The following FRMPD4 variants were observed in gnomAD, a reference collection of about 807,000 sequenced individuals.
FRMPD4 encodes FERM and PDZ domain containing 4, also known as FERM and PDZ domain-containing protein 4.
Under a neutral mutation model 94.1 loss-of-function variants are expected in FRMPD4, and 22 were observed. The ratio of observed to expected loss-of-function variants is 0.23; its 90% CI spans 0.17 to 0.33. The LOEUF is 0.33. Among genes scored for constraint, FRMPD4 ranks in the 10% least tolerant of loss-of-function variants. The probability of loss-of-function intolerance (pLI) is 1.00; values close to 1 mark genes in which losing one functional copy is unlikely to be tolerated. For synonymous variants in FRMPD4, 631 were observed against 548.6 expected (o/e 1.15, Z -2.10); for missense variants, 1,111 against 1,339.9 (o/e 0.83, Z 2.67).
At chrX:12,270,796 C>T (rs1278652334) in intron 1 of FRMPD4, among the ~76,000 whole-genome samples, 2 of 111,391 alleles carry the variant, frequency 1.8e-5, no homozygotes, top group Non-Finnish European at 3.8e-5. Context: ...ATAGAATATT[C>T]TTATGGGTGA....
At position 12,312,623 on chromosome X, in the gene FRMPD4, C is replaced by T. The variant is rs1392844378; in HGVS notation, c.41+173611C>T. Reference sequence around the variant, plus strand: ...ATGTTTTTGTTTGTTTCCACTTGTTCAGTTGTTTTCACACAGAAGGCTGTC... The same window carrying T: ...ATGTTTTTGTTTGTTTCCACTTGTTTAGTTGTTTTCACACAGAAGGCTGTC... On this transcript the variant is annotated intron_variant, in intron 1 of 16. Transcript: ENST00000675598. 2.7e-5 allele frequency among the ~76,000 whole-genome samples: 3 copies of T among 111,252 alleles called. No homozygotes were observed. In the Admixed American group the frequency reaches 2.9e-4, roughly 11 times the overall value.
At chrX:12,540,109 A>C (rs2058389857) in intron 2 of FRMPD4, among the ~76,000 whole-genome samples, 1 of 112,302 alleles carries the variant, frequency 8.9e-6, no homozygotes, top group African/African-American at 3.2e-5. Context: ...TGGAAAGGAA[A>C]AACCAGTACA....
intron 8 of FRMPD4, among the ~76,000 whole-genome samples, chrX:12,691,257 T>G (rs1481099713): frequency 1.8e-5 from 2 of 111,009 alleles, no homozygotes; most frequent in African/African-American, 6.6e-5. Context: ...TTTTTGGGGT[T>G]TTTTTTGTTG....
intron 1 of FRMPD4, among the ~76,000 whole-genome samples, chrX:12,206,875 A>G (rs1486063067): frequency 8.9e-6 from 1 of 112,331 alleles, no homozygotes; most frequent in East Asian, 2.8e-4. Flanking sequence ...TTTGCTCACA[A>G]CTAGAACTTT....
intron 4 of FRMPD4, among the ~76,000 whole-genome samples, chrX:12,669,764 G>A (rs989952847): frequency 7.2e-5 from 8 of 111,849 alleles, no homozygotes; most frequent in African/African-American, 2.3e-4. Flanking sequence ...GATGAAGGAA[G>A]GGACCATGAG....
intron 2 of FRMPD4, among the ~76,000 whole-genome samples, chrX:12,584,855 G>A (rs2058908243): frequency 8.9e-6 from 1 of 112,275 alleles, no homozygotes. Flanking sequence ...TTATGTATAA[G>A]GTCATTATTC....
intron 2 of FRMPD4, among the ~76,000 whole-genome samples, chrX:11,877,719 A>G (rs1473971646): frequency 8.9e-6 from 1 of 112,429 alleles, no homozygotes; most frequent in Non-Finnish European, 1.9e-5. Flanking sequence ...CTCTTGGAGC[A>G]CGTGATTGTT....
At chrX:12,598,639 C>A (rs988311600) in intron 2 of FRMPD4, among the ~76,000 whole-genome samples, 3 of 111,495 alleles carry the variant, frequency 2.7e-5, no homozygotes, top group Non-Finnish European at 5.6e-5. Flanking sequence ...GAAACACAAG[C>A]AAAACCCAAA....
chrX:12,387,314 G>A (rs951196181), intron 1 of FRMPD4, among the ~76,000 whole-genome samples: 2 of 112,308 alleles, frequency 1.8e-5, no homozygotes, highest in African/African-American at 6.5e-5. Context: ...ATTTCACGCA[G>A]ACCTGGTAAT....
chrX:12,231,019 G>GAGTATGTATATATA (rs2056990364), intron 1 of FRMPD4, among the ~76,000 whole-genome samples: 1 of 25,379 alleles, frequency 3.9e-5, no homozygotes, highest in Non-Finnish European at 8.0e-5. Context: ...AGTATATATA[G>GAGTATGTATATATA]TATATATATA....
chrX:11,831,954 G>A (rs1217524987), intron 1 of FRMPD4, among the ~76,000 whole-genome samples: 3 of 112,097 alleles, frequency 2.7e-5, no homozygotes, highest in African/African-American at 6.5e-5. Flanking sequence ...TGAGTGTTTA[G>A]TTGAAATAAA....
At chrX:12,436,562 G>T (rs950722466) in intron 1 of FRMPD4, among the ~76,000 whole-genome samples, 1 of 110,719 alleles carries the variant, frequency 9.0e-6, no homozygotes, top group Non-Finnish European at 1.9e-5. Flanking sequence ...TTTATTTTCT[G>T]AAATAAAACA....
intron 3 of FRMPD4, among the ~76,000 whole-genome samples, chrX:12,127,347 G>T (rs950534534): frequency 9.0e-6 from 1 of 111,646 alleles, no homozygotes; most frequent in Non-Finnish European, 1.9e-5. Context: ...ATGGCAGAAG[G>T]GGGAAGCAAA....
intron 4 of FRMPD4, among the ~76,000 whole-genome samples, chrX:12,660,343 T>C (rs1306209531): frequency 8.9e-6 from 1 of 112,144 alleles, no homozygotes; most frequent in Non-Finnish European, 1.9e-5. Flanking sequence ...CCAAGACACT[T>C]GATTGGGTCT....
intron 1 of FRMPD4, among the ~76,000 whole-genome samples, chrX:12,487,646 G>A (rs1569296731): frequency 8.9e-6 from 1 of 112,002 alleles, no homozygotes; most frequent in Non-Finnish European, 1.9e-5. Context: ...TGATGACCTT[G>A]GAGATGTATA....
At chrX:12,591,806 A>G (rs186128858) in intron 2 of FRMPD4, among the ~76,000 whole-genome samples, 1 of 111,025 alleles carries the variant, frequency 9.0e-6, no homozygotes, top group East Asian at 2.8e-4. Context: ...ACCATACCCT[A>G]CCTCCTTCTT....
intron 2 of FRMPD4, among the ~76,000 whole-genome samples, chrX:12,590,062 G>T (rs981677038): frequency 3.6e-5 from 4 of 111,967 alleles, no homozygotes; most frequent in Admixed American, 1.9e-4. Flanking sequence ...AACTGCAAAG[G>T]TTTATTTATC....
chrX:12,437,479 G>C (rs1373078344), intron 1 of FRMPD4, among the ~76,000 whole-genome samples: 2 of 109,444 alleles, frequency 1.8e-5, no homozygotes, highest in Non-Finnish European at 3.8e-5. Flanking sequence ...AGTTAGGCTG[G>C]GATAGTCCTA....
chrX:12,350,978 A>G (rs1473412326), intron 1 of FRMPD4, among the ~76,000 whole-genome samples: 1 of 111,792 alleles, frequency 8.9e-6, no homozygotes, highest in African/African-American at 3.2e-5. Context: ...AATCGAGACC[A>G]TCCTGGCCAA....
Sources: gnomAD v4.1 joint callset for allele counts (sites outside exome capture counted in the v4.1 genomes callset) on GRCh38, gnomAD v4.1.1 for gene constraint, MANE v1.5 for transcripts, NCBI Gene and HGNC (gene_info 2026-07-23, HGNC 2026-07-21) for gene names.